CYP39A1: variants seen among roughly 807,000 people sequenced by gnomAD.
CYP39A1 encodes 24-hydroxycholesterol 7-alpha-hydroxylase.
A neutral mutation model predicts 58.1 loss-of-function variants in CYP39A1; 49 were observed. The observed-to-expected ratio is 0.84, with a 90% confidence interval of 0.67 to 1.07. The LOEUF (loss-of-function observed/expected upper bound fraction) is 1.07, where lower values mean the gene tolerates loss of function less well. Ranked by LOEUF, CYP39A1 falls within the 50% of genes least tolerant of loss-of-function variation. The pLI is 0.00. For synonymous variants in CYP39A1, 209 were observed against 187.6 expected (o/e 1.11, Z -0.93); for missense variants, 531 against 539.4 (o/e 0.98, Z 0.16).
At position 46,552,115 on chromosome 6, in the gene CYP39A1, A is replaced by C. The variant is rs1276274673; in HGVS notation, c.1338+1652T>G. Reference sequence around the variant, plus strand: ...ATCCTGTCTTAAGGAATTGGTCAAAATTACTAATCTCCATGGTTTTAACCA... The same window carrying C: ...ATCCTGTCTTAAGGAATTGGTCAAACTTACTAATCTCCATGGTTTTAACCA... On this transcript the variant is annotated intron_variant, in intron 11 of 11. Coordinates refer to ENST00000275016, the MANE Select transcript of CYP39A1 (RefSeq NM_016593.5). Among the ~76,000 whole-genome samples the C allele has an allele frequency of 2.0e-5, 3 of 152,200 alleles. No homozygotes were observed. The East Asian group carries it at 5.8e-4, about 29-fold the overall frequency.
chr6:46,556,450 T>C (rs1451652781), intron 10 of CYP39A1, among the ~76,000 whole-genome samples: 2 of 152,146 alleles, frequency 1.3e-5, no homozygotes, highest in Non-Finnish European at 2.9e-5. Context: ...TACTTGAGTA[T>C]TTGGCAGAGT....
intron 1 of CYP39A1, among the ~76,000 whole-genome samples, chr6:46,648,088 G>C (rs1373909753): frequency 6.6e-6 from 1 of 152,126 alleles, no homozygotes; most frequent in Non-Finnish European, 1.5e-5. Context: ...TTCAACCATT[G>C]TGGAAGACAG....
At chr6:46,575,214 C>T (rs1209182270) in intron 10 of CYP39A1, among the ~76,000 whole-genome samples, 2 of 152,112 alleles carry the variant, frequency 1.3e-5, no homozygotes, top group African/African-American at 4.8e-5. Context: ...AACAGAATTC[C>T]AGCCTGGAAA....
intron 1 of CYP39A1, among the ~76,000 whole-genome samples, chr6:46,644,035 A>G (rs1438457396): frequency 6.6e-6 from 1 of 152,200 alleles, no homozygotes; most frequent in Non-Finnish European, 1.5e-5. Flanking sequence ...CAGTATCACA[A>G]CCAAGTTATT....
At chr6:46,562,379 C>T (rs1348913397) in intron 10 of CYP39A1, among the ~76,000 whole-genome samples, 1 of 152,012 alleles carries the variant, frequency 6.6e-6, no homozygotes, top group Non-Finnish European at 1.5e-5. Context: ...TGACATAATG[C>T]CTATCTTAAA....
At chr6:46,556,593 GTCTCAC>G (rs1770675988) in intron 10 of CYP39A1, among the ~76,000 whole-genome samples, 2 of 152,154 alleles carry the variant, frequency 1.3e-5, no homozygotes, top group South Asian at 4.1e-4. Flanking sequence ...ACAAGAAAAA[GTCTCAC>G]CATTGTACAG....
At chr6:46,555,074 C>G (rs570917884) in intron 10 of CYP39A1, among the ~76,000 whole-genome samples, 1 of 151,736 alleles carries the variant, frequency 6.6e-6, no homozygotes, top group East Asian at 1.9e-4. Flanking sequence ...CACACACACA[C>G]GCAATCTTTC....
chr6:46,620,646 TG>T (rs1349962905), intron 7 of CYP39A1, among the ~76,000 whole-genome samples: 1 of 150,418 alleles, frequency 6.6e-6, no homozygotes, highest in East Asian at 1.9e-4. Context: ...CAAGCTGTCA[TG>T]TACACCCATC....
intron 11 of CYP39A1, among the ~76,000 whole-genome samples, chr6:46,551,249 C>G (rs1025992793): frequency 2.0e-5 from 3 of 151,352 alleles, no homozygotes; most frequent in East Asian, 1.9e-4. Flanking sequence ...CAGGGTTCCA[C>G]GAACCCACTG....
In CYP39A1 at chr6:46,555,670, A is replaced by G. The variant is rs571890694; in HGVS notation, c.1251-1816T>C. ...CTTATAGACTACAGCCTTCACAAAAAGCAGGAACTATGTCTTATCTTTAAA... is the reference window on the plus strand; with the variant it reads ...CTTATAGACTACAGCCTTCACAAAAGGCAGGAACTATGTCTTATCTTTAAA... On this transcript the variant is annotated intron_variant, in intron 10 of 11. Transcript: ENST00000275016. 5.9e-4 allele frequency among the ~76,000 whole-genome samples: 90 copies of G among 152,350 alleles called. 1 individual carries two copies. The South Asian group carries it at 0.018, about 30-fold the overall frequency.
chr6:46,647,716 G>A (rs1370352295), intron 1 of CYP39A1, among the ~76,000 whole-genome samples: 1 of 152,162 alleles, frequency 6.6e-6, no homozygotes, highest in African/African-American at 2.4e-5. Flanking sequence ...GTGTTTTCAA[G>A]TAATGTTTCC....
At chr6:46,626,195 T>G (rs1221657084) in intron 6 of CYP39A1, among the ~76,000 whole-genome samples, 1 of 152,154 alleles carries the variant, frequency 6.6e-6, no homozygotes, top group Non-Finnish European at 1.5e-5. Context: ...CTTTCCTCGT[T>G]GTGGTATTAC....
At position 46,638,137 on chromosome 6, in the gene CYP39A1, G is replaced by C. The variant is rs6936973; in HGVS notation, c.489-159C>G. On this transcript the variant is annotated intron_variant, in intron 3 of 11. Coordinates refer to ENST00000275016, the MANE Select transcript of CYP39A1 (RefSeq NM_016593.5). ...TCACTCTTAAGAAGTTTTGATATTT[G>C]CTTACTGTGGTCAAGATAATACAGG... 5.5e-3 allele frequency among the ~76,000 whole-genome samples: 836 copies of C among 152,300 alleles called. 8 individuals are homozygous for C. Among genetic ancestry groups the C allele is most frequent in the African/African-American group, 0.019 (790 of 41,558 alleles).
chr6:46,560,004 A>T (rs943193573), intron 10 of CYP39A1, among the ~76,000 whole-genome samples: 3 of 152,230 alleles, frequency 2.0e-5, no homozygotes, highest in African/African-American at 7.2e-5. Flanking sequence ...CTAGAATAAT[A>T]AATAAGAACA....
chr6:46,566,137 C>T (rs1293438745), intron 10 of CYP39A1, among the ~76,000 whole-genome samples: 1 of 152,130 alleles, frequency 6.6e-6, no homozygotes, highest in Admixed American at 6.6e-5. Context: ...GGAGTGCATG[C>T]TCTGGAGCTA....
intron 10 of CYP39A1, among the ~76,000 whole-genome samples, chr6:46,575,266 T>C (rs911258908): frequency 1.3e-5 from 2 of 152,152 alleles, no homozygotes; most frequent in Non-Finnish European, 2.9e-5. Context: ...TAGTGGAGCA[T>C]GGCCATGGAC....
At chr6:46,632,365 G>T (rs1273091779) in intron 5 of CYP39A1, among the ~76,000 whole-genome samples, 1 of 152,008 alleles carries the variant, frequency 6.6e-6, no homozygotes, top group Non-Finnish European at 1.5e-5. Flanking sequence ...CTTTGTGCAG[G>T]TTTGTGGTTT....
chr6:46,593,078 A>C (rs543662317), intron 8 of CYP39A1, among the ~76,000 whole-genome samples: 38 of 152,202 alleles, frequency 2.5e-4, no homozygotes, highest in Non-Finnish European at 4.3e-4. Context: ...AAAACTCTCT[A>C]GATGCATAAA....
chr6:46,612,337 A>G (rs145329483), intron 7 of CYP39A1, among the ~76,000 whole-genome samples: 80 of 152,350 alleles, frequency 5.3e-4, no homozygotes, highest in African/African-American at 1.9e-3. Flanking sequence ...GTTAGTAGAT[A>G]GGAAAATCAC....
Sources: allele counts gnomAD v4.1 joint callset (sites outside exome capture counted in the v4.1 genomes callset), GRCh38; gene constraint gnomAD v4.1.1; transcripts MANE v1.5; gene names NCBI Gene and HGNC (gene_info 2026-07-23, HGNC 2026-07-21).